The following CALM2 variants were observed in gnomAD, a reference collection of about 807,000 sequenced individuals.
The protein encoded by CALM2 is calmodulin-2.
A neutral mutation model predicts 19.8 loss-of-function variants in CALM2; 2 were observed. The ratio of observed to expected loss-of-function variants is 0.10; its 90% CI spans 0.04 to 0.32. CALM2 has a LOEUF of 0.32. CALM2 is among the 10% of genes least tolerant of loss of function. The probability of loss-of-function intolerance (pLI) is 1.00; values close to 1 mark genes in which losing one functional copy is unlikely to be tolerated. For synonymous variants in CALM2, 51 were observed against 52.1 expected (o/e 0.98, Z 0.09); for missense variants, 38 against 178.7 (o/e 0.21, Z 4.49).
intron 1 of CALM2, chr2:47,171,610 A>C (rs1666670593): frequency 6.6e-6 from 1 of 152,172 alleles, no homozygotes; most frequent in Non-Finnish European, 1.5e-5. Context: ...TGATTGCAAA[A>C]TATCCAGACT....
At chr2:47,170,046 A>G (rs1666614598) in intron 2 of CALM2, among the ~76,000 whole-genome samples, 1 of 152,112 alleles carries the variant, frequency 6.6e-6, no homozygotes, top group Non-Finnish European at 1.5e-5. Context: ...ATGTACAAGG[A>G]TAAATCAAAA....
intron 1 of CALM2, chr2:47,172,273 T>C (rs1666694053): frequency 6.1e-6 from 2 of 328,710 alleles, no homozygotes; most frequent in South Asian, 4.8e-5. Context: ...CAACCTGGCA[T>C]GCGTGGCGTG....
At chr2:47,165,434 T>C (rs966350545) in intron 2 of CALM2, among the ~76,000 whole-genome samples, 3 of 152,194 alleles carry the variant, frequency 2.0e-5, no homozygotes, top group African/African-American at 4.8e-5. Context: ...AATTAGTATG[T>C]GTCAAACACT....
intron 2 of CALM2, among the ~76,000 whole-genome samples, chr2:47,166,737 A>G (rs990803214): frequency 6.6e-6 from 1 of 152,198 alleles, no homozygotes; most frequent in Non-Finnish European, 1.5e-5. Flanking sequence ...CTTTATGTAT[A>G]GAAGCATATA....
At chr2:47,176,153 C>G (rs1666860177) in intron 1 of CALM2, 2 of 471,144 alleles carry the variant, frequency 4.2e-6, no homozygotes, top group Non-Finnish European at 7.6e-6. Context: ...TGGGCTGTCC[C>G]TCATCCCGGA....
intron 1 of CALM2, chr2:47,172,714 T>C (rs1030448659): frequency 5.5e-5 from 15 of 271,060 alleles, no homozygotes; most frequent in South Asian, 1.0e-4. Context: ...AAAGTTGAGC[T>C]AAATGTGTGG....
At chr2:47,172,316 A>G (rs1394495240) in intron 1 of CALM2, 1 of 404,496 alleles carries the variant, frequency 2.5e-6, no homozygotes, top group Non-Finnish European at 5.0e-6. Flanking sequence ...GTCACAGGCC[A>G]GTATCCCAGC....
Position 47,160,691 on chromosome 2 carries a change from A to C in CALM2, c.*85T>G. ...TGCATATTTTTTTGACAGTAGGGAG[A>C]AACCTTTTACAGATAAGTTACAAAC... On this transcript the variant is annotated 3_prime_UTR_variant, in exon 6 of 6. Coordinates refer to ENST00000272298, the MANE Select transcript of CALM2 (RefSeq NM_001743.6). 2 of 731,820 alleles carry C rather than the reference A, an allele frequency of 2.7e-6. No homozygotes were observed. Among genetic ancestry groups the C allele is most frequent in the Non-Finnish European group, 2.2e-6 (1 of 456,360 alleles). 45.3% of individuals were successfully genotyped at this position (731,820 alleles called of 1,614,324 possible). A position where few individuals can be genotyped will look rare whatever the true frequency, so the allele number is the denominator to read the frequency against.
intron 2 of CALM2, among the ~76,000 whole-genome samples, chr2:47,165,411 C>A (rs1051412025): frequency 5.3e-5 from 8 of 152,092 alleles, no homozygotes; most frequent in Admixed American, 6.6e-5. Context: ...CACCTGGTCA[C>A]CCCCCATAAA....
At chr2:47,164,299 A>G (rs1446411901) in intron 2 of CALM2, among the ~76,000 whole-genome samples, 2 of 144,582 alleles carry the variant, frequency 1.4e-5, no homozygotes, top group African/African-American at 5.0e-5. Context: ...ACACACACAC[A>G]CAAGCTGGGT....
chr2:47,161,965 T>A, intron 4 of CALM2, 107 bp from the exon 5 acceptor site: 1 of 905,884 alleles, frequency 1.1e-6, no homozygotes, highest in Non-Finnish European at 1.7e-6. Flanking sequence ...AAAAACATAC[T>A]TTAGAAATGC....
intron 1 of CALM2, chr2:47,176,188 C>T (rs371001439): frequency 1.9e-6 from 1 of 522,678 alleles, no homozygotes; most frequent in Admixed American, 3.4e-5. Context: ...GCCAAGCCCC[C>T]GAGGAGCTTC....
At chr2:47,162,858 G>C in intron 2 of CALM2, 196 bp from the exon 3 acceptor site, 1 of 490,630 alleles carries the variant, frequency 2.0e-6, no homozygotes, top group South Asian at 3.6e-5. Context: ...AATACCAATG[G>C]AGGTAGCAAT....
intron 2 of CALM2, among the ~76,000 whole-genome samples, chr2:47,169,420 A>G (rs181952147): frequency 3.3e-5 from 5 of 152,274 alleles, no homozygotes; most frequent in African/African-American, 9.6e-5. Flanking sequence ...TCAGCCTCCC[A>G]AAGTGATAAG....
chr2:47,172,318 T>C (rs908496016), intron 1 of CALM2: 6 of 407,250 alleles, frequency 1.5e-5, no homozygotes, highest in South Asian at 7.5e-5. Flanking sequence ...CACAGGCCAG[T>C]ATCCCAGCCC....
intron 1 of CALM2, 140 bp downstream of exon 1, chr2:47,176,301 C>A: frequency 9.8e-7 from 1 of 1,023,168 alleles, no homozygotes; most frequent in East Asian, 2.6e-5. Context: ...TCGCCGGCAT[C>A]CCTGGCCTCT....
At chr2:47,176,805 C>T (rs550546472), upstream of CALM2, 10 of 985,274 alleles carry the variant, frequency 1.0e-5, no homozygotes, top group East Asian at 5.7e-4. Context: ...GGCGATGCGT[C>T]CCCCGTTGGT....
At chr2:47,166,830 T>C (rs1319955844) in intron 2 of CALM2, among the ~76,000 whole-genome samples, 2 of 152,164 alleles carry the variant, frequency 1.3e-5, no homozygotes, top group African/African-American at 4.8e-5. Context: ...GAACAGGTCC[T>C]GAATGCCACA....
chr2:47,175,843 T>C (rs910055772), intron 1 of CALM2, among the ~76,000 whole-genome samples: 41 of 147,630 alleles, frequency 2.8e-4, no homozygotes, highest in Non-Finnish European at 3.2e-4. Context: ...GGCCGCTCCC[T>C]GCGCCGCGCG....
Sources: allele counts gnomAD v4.1 joint callset (sites outside exome capture counted in the v4.1 genomes callset), GRCh38; gene constraint gnomAD v4.1.1; transcripts MANE v1.5; gene names NCBI Gene and HGNC (gene_info 2026-07-23, HGNC 2026-07-21).